The following XK variants were observed in gnomAD, a reference collection of about 807,000 sequenced individuals.
XK encodes X-linked Kx blood group antigen, Kell and VPS13A binding protein.
A neutral mutation model predicts 14.0 loss-of-function variants in XK; 2 were observed. The ratio of observed to expected loss-of-function variants is 0.14; its 90% CI spans 0.06 to 0.45. The LOEUF (loss-of-function observed/expected upper bound fraction) is 0.45. Among genes scored for constraint, XK ranks in the 20% least tolerant of loss-of-function variants. The pLI, the probability that XK is intolerant of heterozygous loss-of-function variation, is 0.98. For missense variants in XK, 235 were observed against 341.5 expected (o/e 0.69, Z 2.46); for synonymous variants, 149 against 147.5 (o/e 1.01, Z -0.08).
chrX:37,698,297 C>T (rs1356682011), intron 2 of XK, among the ~76,000 whole-genome samples: 3 of 110,467 alleles, frequency 2.7e-5, no homozygotes, highest in Non-Finnish European at 3.8e-5. Context: ...AATATTATCT[C>T]CATCTTAGTA....
chrX:37,726,998 G>A (rs782479561), intron 2 of XK, among the ~76,000 whole-genome samples: 4 of 111,690 alleles, frequency 3.6e-5, no homozygotes, highest in African/African-American at 6.5e-5. Flanking sequence ...TTGGTTGGTC[G>A]GTCTTGATTC....
chrX:37,704,527 A>G (rs781959037), intron 2 of XK, among the ~76,000 whole-genome samples: 2 of 109,332 alleles, frequency 1.8e-5, no homozygotes, highest in Non-Finnish European at 3.8e-5. Flanking sequence ...ACAAAATGAG[A>G]CCACAATTCT....
At chrX:37,710,513 T>G (rs1316083415) in intron 2 of XK, among the ~76,000 whole-genome samples, 1 of 111,889 alleles carries the variant, frequency 8.9e-6, no homozygotes, top group Non-Finnish European at 1.9e-5. Flanking sequence ...ACAGATGTTA[T>G]GGCCGGGCGT....
At chrX:37,693,476 C>CGTGTGTGTGTGT (rs781954179) in intron 1 of XK, among the ~76,000 whole-genome samples, 12,591 of 95,707 alleles carry the variant, frequency 0.13, 806 homozygotes, top group African/African-American at 0.23. Context: ...TCTATCAATT[C>CGTGTGTGTGTGT]GTGTGTGTGT....
At chrX:37,705,688 C>T (rs1042868980) in intron 2 of XK, among the ~76,000 whole-genome samples, 1 of 111,063 alleles carries the variant, frequency 9.0e-6, no homozygotes, top group African/African-American at 3.3e-5. Flanking sequence ...ATTTCATATT[C>T]AGATTTAATC....
chrX:37,716,493 G>A (rs1413068199), intron 2 of XK, among the ~76,000 whole-genome samples: 5 of 111,887 alleles, frequency 4.5e-5, no homozygotes, highest in African/African-American at 1.6e-4. Flanking sequence ...GAGTGTCTGT[G>A]GTTCAAGGGT....
At chrX:37,725,671 T>C (rs1486013901) in intron 2 of XK, among the ~76,000 whole-genome samples, 1 of 112,036 alleles carries the variant, frequency 8.9e-6, no homozygotes, top group Admixed American at 9.5e-5. Context: ...AATTTATTCA[T>C]AACTGTCAAA....
intron 2 of XK, among the ~76,000 whole-genome samples, chrX:37,719,831 C>A (rs1283118891): frequency 9.2e-6 from 1 of 109,262 alleles, no homozygotes. Context: ...GTTGGCATAC[C>A]ATGTTATTTT....
chrX:37,685,923 A>G lies in XK; in HGVS notation c.-39A>G. ...CCGCCACAGCCACACAGCCGCCGCC[A>G]CTGCGTCCGTCCCCGGTGAGCGCCG... On this transcript the variant is annotated 5_prime_UTR_variant, in exon 1 of 3. Coordinates refer to ENST00000378616, the MANE Select transcript of XK (RefSeq NM_021083.4). 8.4e-7 allele frequency: 1 copy of G among 1,188,320 alleles called. No homozygotes were observed. Among genetic ancestry groups the G allele is most frequent in the African/African-American group, 1.7e-5 (1 of 57,652 alleles).
intron 2 of XK, among the ~76,000 whole-genome samples, chrX:37,723,888 T>C (rs1162992100): frequency 9.0e-6 from 1 of 111,651 alleles, no homozygotes; most frequent in African/African-American, 3.2e-5. Context: ...ATAAGTAATA[T>C]ACAAAGTATA....
chrX:37,725,304 C>T (rs782065331), intron 2 of XK, among the ~76,000 whole-genome samples: 1 of 111,602 alleles, frequency 9.0e-6, no homozygotes, highest in South Asian at 3.7e-4. Context: ...TAAGTGTTCT[C>T]ACACAGAAAA....
In XK at chrX:37,720,020, C is replaced by G. The variant is rs189401529; in HGVS notation, c.509-7616C>G. 2.0e-3 allele frequency among the ~76,000 whole-genome samples: 223 copies of G among 110,916 alleles called. 2 individuals are homozygous for G. The highest frequency in any genetic ancestry group is 7.0e-3 in the African/African-American group (213 of 30,637). ...AAATCTATATCAATCTTTGCGAGGG[C>G]TTAATCTCTTTCCAGTCATCCTTAC... On this transcript the variant is annotated intron_variant, in intron 2 of 2. Coordinates refer to ENST00000378616, the MANE Select transcript of XK (RefSeq NM_021083.4).
intron 2 of XK, among the ~76,000 whole-genome samples, chrX:37,720,797 T>A (rs1305476847): frequency 1.8e-5 from 2 of 111,367 alleles, no homozygotes; most frequent in African/African-American, 6.5e-5. Flanking sequence ...TCTGAATTGG[T>A]TCACCTAGGA....
At chrX:37,714,825 C>T (rs1278223208) in intron 2 of XK, among the ~76,000 whole-genome samples, 11 of 110,854 alleles carry the variant, frequency 9.9e-5, no homozygotes, top group Middle Eastern at 4.7e-3. Flanking sequence ...AGGGAATAGC[C>T]TGGAGTGAAT....
intron 2 of XK, among the ~76,000 whole-genome samples, chrX:37,719,893 C>T (rs923400968): frequency 2.7e-5 from 3 of 111,097 alleles, no homozygotes; most frequent in Non-Finnish European, 5.7e-5. Flanking sequence ...ATTTGAGGCT[C>T]TGCATGAACT....
At chrX:37,698,543 C>CAAAA (rs35497516) in intron 2 of XK, among the ~76,000 whole-genome samples, 2 of 26,982 alleles carry the variant, frequency 7.4e-5, no homozygotes, top group Non-Finnish European at 1.4e-4. Context: ...GACCTTGCCT[C>CAAAA]AAAAAAAAAA....
At chrX:37,699,749 C>T (rs782328863) in intron 2 of XK, among the ~76,000 whole-genome samples, 7 of 112,005 alleles carry the variant, frequency 6.2e-5, no homozygotes, top group South Asian at 3.7e-4. Context: ...CTCAAAAAGA[C>T]GGTCCAGTTA....
rs1202672942 is a variant in XK, at chrX:37,730,596, A to G, written c.*2134A>G. On this transcript the variant is annotated 3_prime_UTR_variant, in exon 3 of 3. Transcript: ENST00000378616. ...TTGCCTTGAGGCTCTGCAGTGGCAA[A>G]TGGTAGGGGCAATAGCGCTCCCTTT... The G allele has an allele frequency of 8.9e-6, 1 of 112,265 alleles. No homozygotes were observed. The highest frequency in any genetic ancestry group is 1.9e-5 in the Non-Finnish European group (1 of 53,241). The allele number at this position is 112,265 out of a possible 1,213,427, so 9.3% of individuals were successfully genotyped here.
intron 1 of XK, among the ~76,000 whole-genome samples, chrX:37,689,864 C>T (rs1471561574): frequency 1.8e-5 from 2 of 112,028 alleles, no homozygotes; most frequent in Non-Finnish European, 3.8e-5. Flanking sequence ...AACACAAAAA[C>T]ATTTTAAAAA....
Sources: gnomAD v4.1 joint callset for allele counts (sites outside exome capture counted in the v4.1 genomes callset) on GRCh38, gnomAD v4.1.1 for gene constraint, MANE v1.5 for transcripts, NCBI Gene and HGNC (gene_info 2026-07-23, HGNC 2026-07-21) for gene names.